Variants in INPP4B observed in about 807,000 individuals in gnomAD.
INPP4B encodes inositol polyphosphate 4-phosphatase type II.
In INPP4B, 55 loss-of-function variants were observed where a neutral mutation model predicts 122.5. That is an observed-to-expected ratio of 0.45 (90% CI 0.36 to 0.56). INPP4B has a LOEUF of 0.56. INPP4B is among the 20% of genes least tolerant of loss of function. INPP4B has a pLI of 0.00. For synonymous variants in INPP4B, 403 were observed against 388.7 expected, an observed-to-expected ratio of 1.04 and a Z score of -0.43; for missense variants, 1,000 against 1,097.7, an observed-to-expected ratio of 0.91 and a Z score of 1.26.
chr4:142,520,106 C>A (rs1825895034), intron 2 of INPP4B, among the ~76,000 whole-genome samples: 1 of 151,950 alleles, frequency 6.6e-6, no homozygotes, highest in Admixed American at 6.6e-5. Flanking sequence ...TATATTTCTG[C>A]AAAGCACAGA....
chr4:142,782,800 C>T (rs1385979139), intron 1 of INPP4B, among the ~76,000 whole-genome samples: 1 of 152,144 alleles, frequency 6.6e-6, no homozygotes, highest in Non-Finnish European at 1.5e-5. Context: ...CAGCATGGTA[C>T]TGGTACCAAA....
chr4:142,105,328 T>C (rs1578914262), intron 23 of INPP4B, among the ~76,000 whole-genome samples: 1 of 152,308 alleles, frequency 6.6e-6, no homozygotes, highest in South Asian at 2.1e-4. Flanking sequence ...AATTATCCAT[T>C]CCCCTATCCG....
At chr4:142,259,836 C>T (rs575439991) in intron 11 of INPP4B, among the ~76,000 whole-genome samples, 2 of 152,080 alleles carry the variant, frequency 1.3e-5, no homozygotes, top group African/African-American at 4.8e-5. Context: ...CAAAAACACA[C>T]ACCTTAGCCT....
At chr4:142,279,509 A>G (rs1368983068) in intron 9 of INPP4B, among the ~76,000 whole-genome samples, 1 of 151,590 alleles carries the variant, frequency 6.6e-6, no homozygotes, top group African/African-American at 2.4e-5. Context: ...TAGTCTTTTC[A>G]ACAGATGGTA....
Position 142,028,841 on chromosome 4 carries a change from T to A in INPP4B, c.2716A>T (p.Met906Leu). 6.2e-7 allele frequency: 1 copy of A among 1,613,622 alleles called. No homozygotes were observed. Residue 906 changes from methionine to leucine, a missense_variant, in exon 26 of 26, where the codon ATG becomes TTG. By Grantham distance (15) the Met-to-Leu change is conservative. Coordinates refer to ENST00000262992, the MANE Select transcript of INPP4B (RefSeq NM_001101669.3). ...RKYAFNMLQL[M>L]AFPKYYRPPE... ...GGTCTGTAGTACTTGGGGAAAGCCA[T>A]CAGCTGTAGCATGTTGAAAGCATAC...
intron 11 of INPP4B, among the ~76,000 whole-genome samples, chr4:142,253,611 C>T (rs1360978384): frequency 1.3e-5 from 2 of 152,160 alleles, no homozygotes; most frequent in Non-Finnish European, 2.9e-5. Flanking sequence ...CCTGGAAAAT[C>T]GGGTCAATCC....
intron 3 of INPP4B, among the ~76,000 whole-genome samples, chr4:142,446,462 A>G (rs1812932094): frequency 6.6e-6 from 1 of 152,172 alleles, no homozygotes; most frequent in African/African-American, 2.4e-5. Flanking sequence ...TCCAAACACA[A>G]TGAAAAATAA....
chr4:142,780,261 C>G (rs1393420676), intron 1 of INPP4B, among the ~76,000 whole-genome samples: 2 of 152,128 alleles, frequency 1.3e-5, no homozygotes, highest in East Asian at 3.9e-4. Context: ...ACTTTCTCAT[C>G]TGTGACCTTC....
At chr4:142,635,264 T>A (rs1462510384) in intron 2 of INPP4B, among the ~76,000 whole-genome samples, 1 of 152,108 alleles carries the variant, frequency 6.6e-6, no homozygotes, top group African/African-American at 2.4e-5. Flanking sequence ...TTAGTGTGAG[T>A]TTAAATTAGC....
At chr4:142,325,192 C>T (rs956844949) in intron 7 of INPP4B, among the ~76,000 whole-genome samples, 4 of 152,190 alleles carry the variant, frequency 2.6e-5, no homozygotes, top group African/African-American at 7.2e-5. Context: ...GTCCCACCTA[C>T]CACATCCTAC....
intron 25 of INPP4B, among the ~76,000 whole-genome samples, chr4:142,045,946 C>G (rs915795851): frequency 3.4e-4 from 52 of 151,926 alleles, no homozygotes; most frequent in African/African-American, 1.2e-3. Context: ...GTGCAAAGGG[C>G]TTGAAAGCAG....
intron 2 of INPP4B, among the ~76,000 whole-genome samples, chr4:142,464,319 A>T (rs2149613566): frequency 6.6e-6 from 1 of 152,294 alleles, no homozygotes; most frequent in South Asian, 2.1e-4. Flanking sequence ...TGGTCAAAAG[A>T]TGTAGTAACT....
At chr4:142,806,369 T>C (rs1778722371) in intron 1 of INPP4B, among the ~76,000 whole-genome samples, 1 of 151,268 alleles carries the variant, frequency 6.6e-6, no homozygotes, top group Non-Finnish European at 1.5e-5. Flanking sequence ...AATATATATG[T>C]ATTACCTCTT....
intron 11 of INPP4B, among the ~76,000 whole-genome samples, chr4:142,251,529 A>C (rs1347036816): frequency 6.6e-6 from 1 of 152,168 alleles, no homozygotes; most frequent in Non-Finnish European, 1.5e-5. Flanking sequence ...TTGATTTATT[A>C]ATAGCTGTCT....
At position 142,252,477 on chromosome 4, in the gene INPP4B, C is replaced by G. The variant is rs544160280; in HGVS notation, c.688+8015G>C. Among the ~76,000 whole-genome samples, 5 of 152,166 alleles carry G rather than the reference C, an allele frequency of 3.3e-5. No individual in the cohort carries two copies. In the South Asian group the frequency reaches 1.0e-3, roughly 32 times the overall value. On this transcript the variant is annotated intron_variant, in intron 11 of 25. Transcript: ENST00000262992. ...TGCTGGGATTACAGGCGTGAGCCAC[C>G]GCGCCCGGCCAGTAGTCATTATTTA...
At chr4:142,677,984 T>C (rs1271636240) in intron 2 of INPP4B, among the ~76,000 whole-genome samples, 2 of 150,888 alleles carry the variant, frequency 1.3e-5, no homozygotes, top group African/African-American at 4.9e-5. Flanking sequence ...GAACTTAAAG[T>C]ACAATAAAAA....
intron 2 of INPP4B, among the ~76,000 whole-genome samples, chr4:142,707,332 T>C (rs1031552983): frequency 2.0e-5 from 3 of 152,230 alleles, no homozygotes; most frequent in Non-Finnish European, 1.5e-5. Context: ...CCACCTTTTT[T>C]CCTAATGCAG....
intron 2 of INPP4B, among the ~76,000 whole-genome samples, chr4:142,600,792 A>G (rs1484065185): frequency 6.6e-6 from 1 of 152,194 alleles, no homozygotes; most frequent in Non-Finnish European, 1.5e-5. Flanking sequence ...GATGCTGCCT[A>G]CAAGAAACAT....
chr4:142,160,319 G>T, intron 17 of INPP4B, 39 bp downstream of exon 17: 1 of 1,292,452 alleles, frequency 7.7e-7, no homozygotes, highest in Non-Finnish European at 1.0e-6. Flanking sequence ...ATTTCTCATT[G>T]CCAAACATTG....
Sources: allele counts gnomAD v4.1 joint callset (sites outside exome capture counted in the v4.1 genomes callset), GRCh38; gene constraint gnomAD v4.1.1; transcripts MANE v1.5; gene names NCBI Gene and HGNC (gene_info 2026-07-23, HGNC 2026-07-21).